Variants in OPCML observed in about 807,000 individuals in gnomAD.
OPCML encodes the protein opioid binding protein/cell adhesion molecule like, also known as opioid-binding protein/cell adhesion molecule.
OPCML carries 13 observed loss-of-function variants against 37.8 expected under a neutral mutation model. The ratio of observed to expected loss-of-function variants is 0.34; its 90% CI spans 0.22 to 0.55. The LOEUF is 0.55. Ranked by LOEUF, OPCML falls within the 20% of genes least tolerant of loss-of-function variation. The pLI is 0.91. For synonymous variants in OPCML, 176 were observed against 168.8 expected (o/e 1.04, Z -0.33); for missense variants, 341 against 435.6 (o/e 0.78, Z 1.93).
At chr11:133,201,361 C>A (rs1337005301) in intron 1 of OPCML, among the ~76,000 whole-genome samples, 1 of 149,824 alleles carries the variant, frequency 6.7e-6, no homozygotes, top group Non-Finnish European at 1.5e-5. Flanking sequence ...TATTTTATGC[C>A]TTTTAGTCTA....
intron 1 of OPCML, among the ~76,000 whole-genome samples, chr11:133,452,178 T>C (rs1053912267): frequency 2.0e-5 from 3 of 151,268 alleles, no homozygotes; most frequent in Non-Finnish European, 4.4e-5. Context: ...CCAAGACAAC[T>C]CAGATGATGG....
intron 3 of OPCML, among the ~76,000 whole-genome samples, chr11:132,586,722 G>C (rs2096473463): frequency 6.6e-6 from 1 of 152,156 alleles, no homozygotes; most frequent in Admixed American, 6.6e-5. Flanking sequence ...AGATGAACAA[G>C]GAGTGGCAAG....
chr11:132,779,418 T>TG (rs1244335469), intron 2 of OPCML, among the ~76,000 whole-genome samples: 1 of 152,154 alleles, frequency 6.6e-6, no homozygotes, highest in Non-Finnish European at 1.5e-5. Flanking sequence ...GATGGGCTTC[T>TG]GGGGGTCCCT....
chr11:132,682,512 GAACA>G (rs1269330127), intron 2 of OPCML, among the ~76,000 whole-genome samples: 1 of 152,194 alleles, frequency 6.6e-6, no homozygotes, highest in East Asian at 1.9e-4. Context: ...AGTTAAGAGA[GAACA>G]ATCATCTTTG....
chr11:132,835,673 G>C (rs1319092779), intron 2 of OPCML, among the ~76,000 whole-genome samples: 1 of 152,174 alleles, frequency 6.6e-6, no homozygotes, highest in Non-Finnish European at 1.5e-5. Flanking sequence ...CTGGACCCTA[G>C]AAGAGGCCCT....
At chr11:133,502,437 AG>A (rs1444055445) in intron 1 of OPCML, among the ~76,000 whole-genome samples, 12 of 152,290 alleles carry the variant, frequency 7.9e-5, no homozygotes, top group Admixed American at 7.2e-4. Context: ...TCCCTGGGAA[AG>A]GAGGAGGGGC....
At chr11:132,750,371 T>C (rs904140796) in intron 2 of OPCML, among the ~76,000 whole-genome samples, 2 of 152,010 alleles carry the variant, frequency 1.3e-5, no homozygotes, top group African/African-American at 4.8e-5. Context: ...GCTGAGGAAG[T>C]AGGAAGGGAC....
At chr11:133,315,640 A>C (rs1053034977) in intron 1 of OPCML, among the ~76,000 whole-genome samples, 4 of 152,314 alleles carry the variant, frequency 2.6e-5, no homozygotes, top group Admixed American at 6.5e-5. Flanking sequence ...CTCTACTAAA[A>C]ATACAAAATT....
At chr11:133,413,281 G>A (rs1592276081) in intron 1 of OPCML, among the ~76,000 whole-genome samples, 1 of 148,752 alleles carries the variant, frequency 6.7e-6, no homozygotes, top group African/African-American at 2.5e-5. Context: ...TGAACAATGA[G>A]ATCACATGGA....
At chr11:133,045,790 G>T (rs912674915) in intron 1 of OPCML, among the ~76,000 whole-genome samples, 2 of 152,188 alleles carry the variant, frequency 1.3e-5, no homozygotes, top group Non-Finnish European at 2.9e-5. Flanking sequence ...GTGCAAGACT[G>T]CCTACTGGTA....
intron 2 of OPCML, among the ~76,000 whole-genome samples, chr11:132,722,299 C>T (rs376058464): frequency 6.6e-6 from 1 of 151,784 alleles, no homozygotes. Context: ...TCTAAACTCA[C>T]ACCACATCCA....
chr11:133,196,841 G>A (rs1477802056), intron 1 of OPCML, among the ~76,000 whole-genome samples: 1 of 152,166 alleles, frequency 6.6e-6, no homozygotes, highest in Admixed American at 6.5e-5. Context: ...TTATTTACAT[G>A]TCTGAGGCAT....
At chr11:132,637,112 A>C (rs1940551328) in intron 3 of OPCML, among the ~76,000 whole-genome samples, 1 of 149,814 alleles carries the variant, frequency 6.7e-6, no homozygotes, top group African/African-American at 2.5e-5. Context: ...TTACTTCTGT[A>C]GTTGTTAAAC....
chr11:132,978,858 C>G (rs960589445), intron 1 of OPCML, among the ~76,000 whole-genome samples: 1 of 152,126 alleles, frequency 6.6e-6, no homozygotes, highest in Non-Finnish European at 1.5e-5. Flanking sequence ...TCTCCGAATT[C>G]CAGAATTGAA....
chr11:132,681,966 A>C (rs1401363003), intron 2 of OPCML, among the ~76,000 whole-genome samples: 2 of 151,952 alleles, frequency 1.3e-5, no homozygotes, highest in Non-Finnish European at 1.5e-5. Context: ...AAAAAAAAAA[A>C]AGTCACACTG....
chr11:133,155,290 T>C (rs956750080), intron 1 of OPCML, among the ~76,000 whole-genome samples: 4 of 152,198 alleles, frequency 2.6e-5, no homozygotes, highest in African/African-American at 9.6e-5. Context: ...CTCACCTCCC[T>C]GTACCCTTCA....
Position 132,636,790 on chromosome 11 carries a change from C to T in OPCML, c.379+20297G>A, listed in dbSNP as rs139127562. Among the ~76,000 whole-genome samples the T allele has an allele frequency of 2.7e-3, 404 of 152,132 alleles. 2 individuals carry two copies. Among genetic ancestry groups the T allele is most frequent in the African/African-American group, 9.1e-3 (376 of 41,508 alleles). On this transcript the variant is annotated intron_variant, in intron 3 of 7. Coordinates refer to ENST00000524381, the MANE Select transcript of OPCML (RefSeq NM_001012393.5). ...ATGCTAAAGAAGACACTGGGAGGCT[C>T]GGGGATAGTTTATATTTATCAGGTA... is the stretch of plus-strand genomic sequence containing the variant.
chr11:132,550,422 T>G (rs2096378844), intron 3 of OPCML, among the ~76,000 whole-genome samples: 1 of 152,140 alleles, frequency 6.6e-6, no homozygotes, highest in Non-Finnish European at 1.5e-5. Context: ...TGTGACTCCC[T>G]CTGTCTCTCT....
intron 2 of OPCML, among the ~76,000 whole-genome samples, chr11:132,932,802 CT>C (rs1945253135): frequency 6.6e-6 from 1 of 151,238 alleles, no homozygotes; most frequent in African/African-American, 2.4e-5. Context: ...AATCTGAAAT[CT>C]TTACAAACTT....
Sources: allele counts gnomAD v4.1 joint callset (sites outside exome capture counted in the v4.1 genomes callset), GRCh38; gene constraint gnomAD v4.1.1; transcripts MANE v1.5; gene names NCBI Gene and HGNC (gene_info 2026-07-23, HGNC 2026-07-21).